The following PRMT8 variants were observed in gnomAD, a reference collection of about 807,000 sequenced individuals.
PRMT8 encodes protein arginine methyltransferase 8.
Under a neutral mutation model 47.1 loss-of-function variants are expected in PRMT8, and 7 were observed. That is an observed-to-expected ratio of 0.15 (90% CI 0.08 to 0.28). The LOEUF (loss-of-function observed/expected upper bound fraction) is 0.28. Ranked by LOEUF, PRMT8 falls within the 10% of genes least tolerant of loss-of-function variation. The probability of loss-of-function intolerance (pLI) is 1.00; values close to 1 mark genes in which losing one functional copy is unlikely to be tolerated. For synonymous variants in PRMT8, 188 were observed against 186.5 expected (o/e 1.01, Z -0.07); for missense variants, 237 against 505.4 (o/e 0.47, Z 5.09).
intron 2 of PRMT8, among the ~76,000 whole-genome samples, chr12:3,547,012 G>A (rs1866337481): frequency 6.6e-6 from 1 of 152,062 alleles, no homozygotes. Context: ...ACAAAATAAA[G>A]GAGAAAAGTC....
At chr12:3,421,495 G>A (rs1402577308) in intron 1 of PRMT8, among the ~76,000 whole-genome samples, 1 of 152,204 alleles carries the variant, frequency 6.6e-6, no homozygotes, top group Non-Finnish European at 1.5e-5. Context: ...TGCCAGGACC[G>A]GTGGGAGACT....
chr12:3,531,641 A>C (rs1052470826), intron 1 of PRMT8, among the ~76,000 whole-genome samples: 10 of 151,980 alleles, frequency 6.6e-5, no homozygotes, highest in Non-Finnish European at 1.0e-4. Flanking sequence ...GGCTGGCAGG[A>C]GGCGCCTGTG....
upstream of PRMT8, among the ~76,000 whole-genome samples, chr12:3,490,396 C>T (rs545883084): frequency 2.0e-5 from 3 of 152,232 alleles, no homozygotes; most frequent in Non-Finnish European, 4.4e-5. Flanking sequence ...CGCCCAAACT[C>T]CCTTAAAAAA....
intron 1 of PRMT8, among the ~76,000 whole-genome samples, chr12:3,423,983 C>A (rs1864573740): frequency 6.6e-6 from 1 of 152,178 alleles, no homozygotes. Flanking sequence ...AATTCTCAGG[C>A]TTCCCATGGC....
intron 1 of PRMT8, among the ~76,000 whole-genome samples, chr12:3,432,515 T>C (rs946735886): frequency 2.6e-5 from 4 of 152,150 alleles, no homozygotes; most frequent in African/African-American, 9.7e-5. Flanking sequence ...CCCAAGGCAG[T>C]GGGCAGTACC....
At chr12:3,588,673 A>G (rs7137875) in intron 8 of PRMT8, among the ~76,000 whole-genome samples, 54,137 of 152,104 alleles carry the variant, frequency 0.36, 9,936 homozygotes, top group Middle Eastern at 0.45. Context: ...GCACTGCACT[A>G]GGAATGCTGC....
rs1168253178 is a variant in PRMT8, at chr12:3,550,208, A to G, written c.417+117A>G. The G allele has an allele frequency of 7.8e-7, 1 of 1,285,578 alleles. No individual in the cohort carries two copies. The highest frequency in any genetic ancestry group is 2.4e-5 in the East Asian group (1 of 41,790). The allele number at this position is 1,285,578 out of a possible 1,614,324, so 79.6% of individuals were successfully genotyped here. A position where few individuals can be genotyped will look rare whatever the true frequency, so the allele number is the denominator to read the frequency against. On this transcript the variant is annotated intron_variant, in intron 3 of 9. Coordinates refer to ENST00000382622, the MANE Select transcript of PRMT8 (RefSeq NM_019854.5). This position sits in a 1 kb window ranked among gnomAD's most constrained non-coding sequence, Gnocchi z 5.1. ...GGTCCATCTCTTTTGCTGGGGTCAC[A>G]CCTTCGAGGAGTAGAAGAAATCAGG...
At chr12:3,469,122 T>C in intron 1 of PRMT8, 2 of 488,346 alleles carry the variant, frequency 4.1e-6, no homozygotes, top group Admixed American at 2.1e-5. Flanking sequence ...GAAGCCAGAG[T>C]CTTCCATGCC....
chr12:3,516,645 CTT>C (rs1865795874), intron 1 of PRMT8, among the ~76,000 whole-genome samples: 1 of 152,092 alleles, frequency 6.6e-6, no homozygotes, highest in African/African-American at 2.4e-5. Flanking sequence ...TGAATAAAGA[CTT>C]GAGTGAGGTT....
intron 1 of PRMT8, among the ~76,000 whole-genome samples, chr12:3,390,769 A>C (rs1864185591): frequency 6.6e-6 from 1 of 152,206 alleles, no homozygotes; most frequent in African/African-American, 2.4e-5. Context: ...GTTACAATTC[A>C]TGGTCATGTC....
chr12:3,544,453 A>G (rs926978359), intron 2 of PRMT8, among the ~76,000 whole-genome samples: 30 of 152,180 alleles, frequency 2.0e-4, no homozygotes, highest in Admixed American at 8.5e-4. Context: ...TTAGGTTTTG[A>G]AGGGAAGGCA....
intron 1 of PRMT8, among the ~76,000 whole-genome samples, chr12:3,477,294 G>T (rs749792741): frequency 6.6e-6 from 1 of 152,244 alleles, no homozygotes; most frequent in Non-Finnish European, 1.5e-5. Flanking sequence ...GAGTGTGTAG[G>T]CACCTTCTAA....
chr12:3,413,776 A>T (rs1342522340), intron 1 of PRMT8, among the ~76,000 whole-genome samples: 1 of 152,234 alleles, frequency 6.6e-6, no homozygotes, highest in Non-Finnish European at 1.5e-5. Context: ...AAAAACCAAT[A>T]AAAAATAATG....
intron 1 of PRMT8, among the ~76,000 whole-genome samples, chr12:3,450,883 G>A (rs1420373624): frequency 2.0e-5 from 3 of 152,188 alleles, no homozygotes; most frequent in African/African-American, 7.2e-5. Flanking sequence ...TAAACACTAT[G>A]ATGACTAGAA....
chr12:3,550,117 G>T lies in PRMT8; in HGVS notation c.417+26G>T, dbSNP rs991232698. On this transcript the variant is annotated intron_variant, in intron 3 of 9. Coordinates refer to ENST00000382622, the MANE Select transcript of PRMT8 (RefSeq NM_019854.5). The surrounding 1 kb of genome is among the most constrained non-coding windows in gnomAD (Gnocchi z 5.1). ...GTGAGCACGCCGCTTCCTCCTGCAT[G>T]CTGGCTTCCACAGAGCCAGCCTCTT... is the stretch of plus-strand genomic sequence containing the variant. 4 of 1,610,762 alleles carry T rather than the reference G, an allele frequency of 2.5e-6. No homozygotes were observed. The highest frequency in any genetic ancestry group is 3.4e-6 in the Non-Finnish European group (4 of 1,178,170).
At chr12:3,457,348 C>A (rs900981612) in intron 1 of PRMT8, among the ~76,000 whole-genome samples, 1 of 152,160 alleles carries the variant, frequency 6.6e-6, no homozygotes, top group Admixed American at 6.5e-5. Flanking sequence ...CTCACTTTGT[C>A]ACCCAGACTG....
intron 1 of PRMT8, among the ~76,000 whole-genome samples, chr12:3,426,684 G>C (rs940747870): frequency 2.0e-5 from 3 of 152,210 alleles, no homozygotes; most frequent in Admixed American, 1.3e-4. Context: ...GTCAGCAATA[G>C]AGTGAGGAAA....
chr12:3,403,665 G>A (rs554159241), intron 1 of PRMT8, among the ~76,000 whole-genome samples: 1 of 152,056 alleles, frequency 6.6e-6, no homozygotes, highest in Non-Finnish European at 1.5e-5. Context: ...GATCACTTGA[G>A]CTCAGGAGCT....
At chr12:3,383,100 G>C (rs1864108232) in intron 1 of PRMT8, among the ~76,000 whole-genome samples, 1 of 152,068 alleles carries the variant, frequency 6.6e-6, no homozygotes, top group Non-Finnish European at 1.5e-5. Flanking sequence ...ATCTAGTCTT[G>C]GTAAGTGTAG....
Sources: allele counts gnomAD v4.1 joint callset (sites outside exome capture counted in the v4.1 genomes callset), GRCh38; gene constraint gnomAD v4.1.1; non-coding constraint Gnocchi (gnomAD v3.1); transcripts MANE v1.5; gene names NCBI Gene and HGNC (gene_info 2026-07-23, HGNC 2026-07-21).